Variants in ELF2 observed in about 807,000 individuals in gnomAD.
ELF2 encodes E74 like ETS transcription factor 2.
ELF2 carries 11 observed loss-of-function variants against 54.8 expected under a neutral mutation model. The observed-to-expected ratio is 0.20, with a 90% CI of 0.13 to 0.33. ELF2 has a LOEUF of 0.33. Ranked by LOEUF, ELF2 falls within the 10% of genes least tolerant of loss-of-function variation. ELF2 has a pLI of 1.00. For missense variants in ELF2, 513 were observed against 703.0 expected (o/e 0.73, Z 3.06); for synonymous variants, 203 against 245.1 (o/e 0.83, Z 1.61).
In ELF2 at chr4:139,153,173, G is replaced by A. The variant is rs973153975; in HGVS notation, c.-251-13676C>T. Reference sequence around the variant, plus strand: ...GAAAAGGCCAGGCACAGTGGCTCACGCCTGTAATCCCAGCACTTTAGGAGG... The same window carrying A: ...GAAAAGGCCAGGCACAGTGGCTCACACCTGTAATCCCAGCACTTTAGGAGG... On this transcript the variant is annotated intron_variant, in intron 1 of 9. Transcript: ENST00000686138. Among the ~76,000 whole-genome samples the A allele has an allele frequency of 5.3e-5, 8 of 152,118 alleles. No individual in the cohort carries two copies. The South Asian group carries it at 1.7e-3, about 32-fold the overall frequency.
chr4:139,093,404 A>G (rs1489069195), intron 4 of ELF2, among the ~76,000 whole-genome samples: 1 of 152,258 alleles, frequency 6.6e-6, no homozygotes, highest in Non-Finnish European at 1.5e-5. Flanking sequence ...AACTTATGCA[A>G]GCTGTTTGCA....
intron 4 of ELF2, among the ~76,000 whole-genome samples, chr4:139,121,269 C>A (rs946150794): frequency 5.3e-5 from 8 of 150,684 alleles, no homozygotes; most frequent in Non-Finnish European, 1.0e-4. Context: ...CTACCACGCC[C>A]GGCTAATTTT....
intron 4 of ELF2, among the ~76,000 whole-genome samples, chr4:139,095,637 CAAT>C (rs1241179871): frequency 2.0e-5 from 3 of 152,128 alleles, no homozygotes; most frequent in East Asian, 1.9e-4. Flanking sequence ...ATGGCTACTA[CAAT>C]AATTAACTTT....
chr4:139,147,125 C>T (rs1215787892), intron 1 of ELF2, among the ~76,000 whole-genome samples: 3 of 152,112 alleles, frequency 2.0e-5, no homozygotes, highest in Admixed American at 1.3e-4. Context: ...AGAAAATATT[C>T]GCCAACTATG....
At chr4:139,167,591 T>C (rs1161985398) in intron 1 of ELF2, among the ~76,000 whole-genome samples, 1 of 152,204 alleles carries the variant, frequency 6.6e-6, no homozygotes, top group Non-Finnish European at 1.5e-5. Flanking sequence ...CCCTGTACAC[T>C]GTATTTGAGT....
intron 2 of ELF2, among the ~76,000 whole-genome samples, 176 bp downstream of exon 2, chr4:139,139,237 A>G (rs973220238): frequency 6.6e-6 from 1 of 152,190 alleles, no homozygotes; most frequent in Admixed American, 6.5e-5. Flanking sequence ...CAGAAATTTC[A>G]TCTTACTGAT....
intron 1 of ELF2, among the ~76,000 whole-genome samples, chr4:139,153,632 A>G (rs1740239318): frequency 6.6e-6 from 1 of 152,162 alleles, no homozygotes; most frequent in Admixed American, 6.5e-5. Context: ...CAATTTGCTC[A>G]CAGGTAAATG....
chr4:139,139,129 T>C (rs1235167005), intron 2 of ELF2, among the ~76,000 whole-genome samples: 1 of 152,166 alleles, frequency 6.6e-6, no homozygotes, highest in African/African-American at 2.4e-5. Context: ...ATTATGCCCT[T>C]GTATTATGTT....
At chr4:139,175,278 C>T (rs1238406018) in intron 1 of ELF2, among the ~76,000 whole-genome samples, 1 of 152,174 alleles carries the variant, frequency 6.6e-6, no homozygotes, top group Non-Finnish European at 1.5e-5. Context: ...CATACTCAAG[C>T]TGACTATTTT....
intron 3 of ELF2, among the ~76,000 whole-genome samples, chr4:139,130,972 T>TA (rs1737432090): frequency 6.6e-6 from 1 of 152,148 alleles, no homozygotes; most frequent in Admixed American, 6.5e-5. Flanking sequence ...TAGCTATTTT[T>TA]ATGGGAGAAA....
chr4:139,122,213 G>C (rs1388039771), intron 4 of ELF2, among the ~76,000 whole-genome samples: 2 of 152,160 alleles, frequency 1.3e-5, no homozygotes, highest in East Asian at 3.8e-4. Flanking sequence ...CATACACAGG[G>C]AAGTATTCTA....
At chr4:139,111,460 T>C (rs1327992185) in intron 4 of ELF2, among the ~76,000 whole-genome samples, 2 of 151,590 alleles carry the variant, frequency 1.3e-5, no homozygotes, top group African/African-American at 4.8e-5. Flanking sequence ...AAGGAGTAGC[T>C]GGGACTACAG....
chr4:139,161,651 T>TAAAA lies in ELF2; in HGVS notation c.-252+15315_-252+15316insTTTT, dbSNP rs1560884167. Among the ~76,000 whole-genome samples the TAAAA allele has an allele frequency of 2.0e-3, 202 of 101,860 alleles. 3 individuals are homozygous for TAAAA. The highest frequency in any genetic ancestry group is 8.0e-3 in the African/African-American group (199 of 24,764). The allele number at this position is 101,860 out of a possible 152,430, so 66.8% of individuals were successfully genotyped here. On this transcript the variant is annotated intron_variant, in intron 1 of 9. Coordinates refer to ENST00000686138, the MANE Select transcript of ELF2 (RefSeq NM_001331036.3). Reference sequence around the variant, plus strand: ...TCACAAATAGTCTACGTAAAACTGTTTAAAAAAAAAAAAAAAAAAAAAAAA... The same window carrying TAAAA: ...TCACAAATAGTCTACGTAAAACTGTTAAAATAAAAAAAAAAAAAAAAAAAAAAAA...
At chr4:139,115,267 G>T (rs1428971704) in intron 4 of ELF2, 39 of 1,602,102 alleles carry the variant, frequency 2.4e-5, no homozygotes, top group Non-Finnish European at 3.0e-5. Context: ...CTCTCCTGCG[G>T]TCCCGGGGGG....
At chr4:139,131,732 T>C (rs1363727468) in intron 3 of ELF2, among the ~76,000 whole-genome samples, 1 of 150,522 alleles carries the variant, frequency 6.6e-6, no homozygotes, top group African/African-American at 2.5e-5. Flanking sequence ...CTAGAATAAA[T>C]AATGGTGCAC....
chr4:139,159,174 A>C (rs1578957749), intron 1 of ELF2, among the ~76,000 whole-genome samples: 1 of 152,176 alleles, frequency 6.6e-6, no homozygotes, highest in South Asian at 2.1e-4. Flanking sequence ...TCAATTTGCC[A>C]GTCCTGGGCA....
chr4:139,065,790 G>A (rs1728607939), intron 7 of ELF2, among the ~76,000 whole-genome samples: 1 of 151,956 alleles, frequency 6.6e-6, no homozygotes, highest in Non-Finnish European at 1.5e-5. Flanking sequence ...TACCACTGAG[G>A]ATAAGAATTA....
At chr4:139,110,274 C>A (rs1734830652) in intron 4 of ELF2, among the ~76,000 whole-genome samples, 2 of 152,128 alleles carry the variant, frequency 1.3e-5, no homozygotes. Context: ...CTGGTCCTTC[C>A]CCCAAAACAA....
intron 3 of ELF2, among the ~76,000 whole-genome samples, chr4:139,129,717 T>G (rs1376291080): frequency 6.6e-6 from 1 of 152,238 alleles, no homozygotes; most frequent in Admixed American, 6.5e-5. Context: ...TAGTGACAGC[T>G]GATATTATAT....
Sources: allele counts gnomAD v4.1 joint callset (sites outside exome capture counted in the v4.1 genomes callset), GRCh38; gene constraint gnomAD v4.1.1; transcripts MANE v1.5; gene names NCBI Gene and HGNC (gene_info 2026-07-23, HGNC 2026-07-21).